Variants in TANC2 observed in about 807,000 individuals in gnomAD.
The protein encoded by TANC2 is protein TANC2.
A neutral mutation model predicts 210.5 loss-of-function variants in TANC2; 26 were observed. The observed-to-expected ratio is 0.12, with a 90% confidence interval of 0.09 to 0.17. The LOEUF (loss-of-function observed/expected upper bound fraction) is 0.17. Ranked by LOEUF, TANC2 falls within the 10% of genes least tolerant of loss-of-function variation. TANC2 has a pLI of 1.00. For missense variants in TANC2, 2,129 were observed against 2,608.9 expected, an observed-to-expected ratio of 0.82 and a Z score of 4.01; for synonymous variants, 931 against 967.1, an observed-to-expected ratio of 0.96 and a Z score of 0.69.
intron 1 of TANC2, among the ~76,000 whole-genome samples, chr17:62,972,835 C>G (rs977263896): frequency 1.3e-5 from 2 of 152,064 alleles, no homozygotes; most frequent in African/African-American, 2.4e-5. Flanking sequence ...CCTTTTCATG[C>G]CTTTATGAAG....
chr17:63,320,177 G>C (rs2045450505), intron 11 of TANC2, among the ~76,000 whole-genome samples: 1 of 151,748 alleles, frequency 6.6e-6, no homozygotes, highest in African/African-American at 2.4e-5. Context: ...TTTTCCTAGG[G>C]GTTTATGAAA....
chr17:63,023,614 G>C lies in TANC2; in HGVS notation c.67+13988G>C, dbSNP rs536992872. Among the ~76,000 whole-genome samples the C allele has an allele frequency of 9.9e-5, 15 of 152,248 alleles. No homozygotes were observed. In the South Asian group the frequency reaches 3.1e-3, roughly 32 times the overall value. ...AATTTTTGCTTCTCTCCTTTTTGGCGTGGGAATATTTACCTGCTGCCTGTC... is the reference window on the plus strand; with the variant it reads ...AATTTTTGCTTCTCTCCTTTTTGGCCTGGGAATATTTACCTGCTGCCTGTC... On this transcript the variant is annotated intron_variant, in intron 2 of 27. Coordinates refer to ENST00000689528, the Ensembl canonical transcript of TANC2.
At chr17:63,122,505 G>A (rs533331889) in intron 4 of TANC2, among the ~76,000 whole-genome samples, 142 of 152,248 alleles carry the variant, frequency 9.3e-4, no homozygotes, top group Non-Finnish European at 1.5e-3. Context: ...GGGAAGCCAA[G>A]GCAGGTGGAT....
chr17:63,009,452 A>G (rs375124199), intron 1 of TANC2, 85 bp from the exon 2 acceptor site: 35 of 841,840 alleles, frequency 4.2e-5, no homozygotes, highest in African/African-American at 3.9e-4. Context: ...TTATTAAAAC[A>G]TGTATAGTTA....
chr17:63,085,199 A>T, intron 3 of TANC2, among the ~76,000 whole-genome samples: 1 of 152,194 alleles, frequency 6.6e-6, no homozygotes, highest in Non-Finnish European at 1.5e-5. Flanking sequence ...CTTGTTGGGG[A>T]ATTGACTCCT....
chr17:63,425,129 G>A (rs541676149), exon 28 of TANC2: 14 of 152,098 alleles, frequency 9.2e-5, no homozygotes, highest in African/African-American at 2.9e-4. Flanking sequence ...TGTCCGGGTT[G>A]CAGACGTGCA....
intron 2 of TANC2, among the ~76,000 whole-genome samples, chr17:63,014,395 C>A (rs1331109229): frequency 6.6e-6 from 1 of 151,984 alleles, no homozygotes; most frequent in Non-Finnish European, 1.5e-5. Context: ...GCATTTTGCC[C>A]CTTGTATATA....
chr17:63,252,112 T>C (rs1298332111), intron 8 of TANC2, among the ~76,000 whole-genome samples: 4 of 152,166 alleles, frequency 2.6e-5, no homozygotes, highest in Admixed American at 6.5e-5. Flanking sequence ...ATGAATTACA[T>C]GACTATTATT....
intron 26 of TANC2, among the ~76,000 whole-genome samples, chr17:63,417,414 G>A (rs905754030): frequency 7.9e-5 from 12 of 152,040 alleles, no homozygotes; most frequent in African/African-American, 2.7e-4. Context: ...CCTAGTCGGC[G>A]TTGTTCCCCA....
chr17:63,326,382 T>C (rs2045647123), intron 11 of TANC2, among the ~76,000 whole-genome samples: 1 of 152,036 alleles, frequency 6.6e-6, no homozygotes. Context: ...GGATTAAGGA[T>C]CTAAATATTT....
At chr17:63,250,133 A>G (rs1248564668) in intron 8 of TANC2, among the ~76,000 whole-genome samples, 1 of 152,108 alleles carries the variant, frequency 6.6e-6, no homozygotes, top group Non-Finnish European at 1.5e-5. Flanking sequence ...AGTCTTTTAA[A>G]TGACAAACTT....
chr17:63,263,934 C>T (rs2043445459), intron 8 of TANC2, among the ~76,000 whole-genome samples: 1 of 152,294 alleles, frequency 6.6e-6, no homozygotes, highest in East Asian at 1.9e-4. Flanking sequence ...TACAATAATG[C>T]TGTGTAACAA....
In TANC2 at chr17:63,374,822, A is replaced by T. The variant is rs769570533; in HGVS notation, c.2583-4896A>T. ...TAAATTTTATATCAGAGGGAAAATA[A>T]AACTAGCAAATAATTTTGAGCAGAA... On this transcript the variant is annotated intron_variant, in intron 14 of 27. Transcript: ENST00000689528. 2.2e-4 allele frequency among the ~76,000 whole-genome samples: 33 copies of T among 152,370 alleles called. 1 individual carries two copies. Among genetic ancestry groups the T allele is most frequent in the Non-Finnish European group, 4.3e-4 (29 of 68,036 alleles).
At chr17:63,214,519 TCA>T (rs1235582069) in intron 7 of TANC2, among the ~76,000 whole-genome samples, 1 of 152,230 alleles carries the variant, frequency 6.6e-6, no homozygotes, top group Non-Finnish European at 1.5e-5. Context: ...CATTTATTAC[TCA>T]CAGTTCTGGA....
At chr17:63,302,535 T>C (rs1471556267) in intron 9 of TANC2, among the ~76,000 whole-genome samples, 1 of 152,002 alleles carries the variant, frequency 6.6e-6, no homozygotes. Flanking sequence ...AATGCCCCCT[T>C]TGTCTTTTTT....
intron 1 of TANC2, among the ~76,000 whole-genome samples, chr17:62,998,892 C>G (rs2033241926): frequency 6.6e-6 from 1 of 152,140 alleles, no homozygotes; most frequent in Non-Finnish European, 1.5e-5. Context: ...AGGATCAAAT[C>G]CACATATATC....
chr17:63,398,943 ATGTGT>A, intron 19 of TANC2, 29 bp downstream of exon 19: 1 of 1,511,350 alleles, frequency 6.6e-7, no homozygotes, highest in Non-Finnish European at 9.0e-7. Flanking sequence ...GCCCTCAAGA[ATGTGT>A]TGTGTTTGTG....
intron 7 of TANC2, among the ~76,000 whole-genome samples, chr17:63,201,638 T>TA (rs999633413): frequency 1.3e-4 from 19 of 151,034 alleles, no homozygotes; most frequent in African/African-American, 3.1e-4. Flanking sequence ...TTTTTTTTTT[T>TA]ACCAAAGATC....
intron 6 of TANC2, among the ~76,000 whole-genome samples, chr17:63,195,484 T>A (rs1397902525): frequency 6.6e-6 from 1 of 152,178 alleles, no homozygotes; most frequent in Non-Finnish European, 1.5e-5. Flanking sequence ...CCCTTCTCAC[T>A]ATTCCCACTG....
Sources: gnomAD v4.1 joint callset for allele counts (sites outside exome capture counted in the v4.1 genomes callset) on GRCh38, gnomAD v4.1.1 for gene constraint, MANE v1.5 for transcripts, NCBI Gene and HGNC (gene_info 2026-07-23, HGNC 2026-07-21) for gene names.